CDK6: variants seen among roughly 807,000 people sequenced by gnomAD.
CDK6 encodes cyclin-dependent kinase 6.
In CDK6, 6 loss-of-function variants were observed where a neutral mutation model predicts 37.1. That is an observed-to-expected ratio of 0.16 (90% CI 0.09 to 0.32). CDK6 has a LOEUF of 0.32. Among genes scored for constraint, CDK6 ranks in the 10% least tolerant of loss-of-function variants. The pLI, the probability that CDK6 is intolerant of heterozygous loss-of-function variation, is 1.00. For synonymous variants in CDK6, 160 were observed against 161.3 expected, an observed-to-expected ratio of 0.99 and a Z score of 0.06; for missense variants, 224 against 418.9, an observed-to-expected ratio of 0.53 and a Z score of 4.06.
At chr7:92,715,040 G>A (rs914860763) in intron 4 of CDK6, among the ~76,000 whole-genome samples, 31 of 152,108 alleles carry the variant, frequency 2.0e-4, no homozygotes, top group East Asian at 1.9e-3. Context: ...ATCATCCAGC[G>A]TTACATAAGG....
intron 2 of CDK6, among the ~76,000 whole-genome samples, chr7:92,782,759 T>C (rs1288028692): frequency 6.6e-6 from 1 of 152,236 alleles, no homozygotes; most frequent in Non-Finnish European, 1.5e-5. Context: ...CTAAAGTCAG[T>C]GTTTTGCTTA....
chr7:92,806,084 T>C (rs10248184), intron 2 of CDK6, among the ~76,000 whole-genome samples: 10 of 152,216 alleles, frequency 6.6e-5, no homozygotes, highest in African/African-American at 2.4e-4. Flanking sequence ...TTGTATGTTA[T>C]GTTTATTGAC....
chr7:92,614,730 T>A lies in CDK6; in HGVS notation c.*410A>T. ...ACACACACACACACACACACACACA[T>A]GCACACACACACTCAAAAGTACCAA... is the stretch of plus-strand genomic sequence containing the variant. On this transcript the variant is annotated 3_prime_UTR_variant, in exon 8 of 8. Coordinates refer to ENST00000424848, the MANE Select transcript of CDK6 (RefSeq NM_001145306.2). 3.9e-6 allele frequency: 1 copy of A among 256,198 alleles called. No homozygotes were observed. The highest frequency in any genetic ancestry group is 7.2e-6 in the Non-Finnish European group (1 of 138,050). The allele number at this position is 256,198 out of a possible 1,614,324, so 15.9% of individuals were successfully genotyped here.
intron 2 of CDK6, among the ~76,000 whole-genome samples, chr7:92,781,015 C>T (rs897946205): frequency 3.9e-5 from 6 of 152,036 alleles, no homozygotes; most frequent in African/African-American, 1.4e-4. Context: ...AACAAAATAT[C>T]TCAGATGACT....
intron 2 of CDK6, among the ~76,000 whole-genome samples, chr7:92,831,231 AG>A (rs1212822003): frequency 1.3e-5 from 2 of 152,238 alleles, no homozygotes; most frequent in Non-Finnish European, 1.5e-5. Flanking sequence ...TCAAGAGAAT[AG>A]GATGGATCAG....
At chr7:92,707,706 A>T (rs1410182976) in intron 4 of CDK6, among the ~76,000 whole-genome samples, 1 of 152,264 alleles carries the variant, frequency 6.6e-6, no homozygotes, top group Non-Finnish European at 1.5e-5. Context: ...GCGCACACAC[A>T]CACTCACAGT....
Position 92,609,965 on chromosome 7 carries a change from T to A in CDK6, c.*5175A>T, listed in dbSNP as rs1325810923. 4.3e-6 allele frequency: 1 copy of A among 230,118 alleles called. No homozygotes were observed. The highest frequency in any genetic ancestry group is 8.6e-6 in the Non-Finnish European group (1 of 116,182). 14.3% of individuals were successfully genotyped at this position (230,118 alleles called of 1,614,324 possible). Reference sequence around the variant, plus strand: ...AAGTTACAGAACATTATAGAGACTATTAATCATCCCAAAAAACAAGTGCTA... The same window carrying A: ...AAGTTACAGAACATTATAGAGACTAATAATCATCCCAAAAAACAAGTGCTA... On this transcript the variant is annotated 3_prime_UTR_variant, in exon 8 of 8. Coordinates refer to ENST00000424848, the MANE Select transcript of CDK6 (RefSeq NM_001145306.2).
At chr7:92,723,990 G>A (rs910312177) in intron 4 of CDK6, among the ~76,000 whole-genome samples, 8 of 151,846 alleles carry the variant, frequency 5.3e-5, no homozygotes, top group African/African-American at 1.7e-4. Context: ...CATTTGGGGG[G>A]ATTAAAATAA....
intron 4 of CDK6, among the ~76,000 whole-genome samples, chr7:92,692,876 A>G (rs1038358676): frequency 1.3e-5 from 2 of 152,242 alleles, no homozygotes; most frequent in Non-Finnish European, 2.9e-5. Flanking sequence ...TAACAGAACT[A>G]CACAGGACTA....
At chr7:92,663,812 C>T (rs888482221) in intron 5 of CDK6, among the ~76,000 whole-genome samples, 1 of 152,064 alleles carries the variant, frequency 6.6e-6, no homozygotes, top group Admixed American at 6.6e-5. Flanking sequence ...TGGACCTTTT[C>T]CTGGGTACCA....
chr7:92,767,695 T>G (rs1379810320), intron 3 of CDK6, among the ~76,000 whole-genome samples: 1 of 152,160 alleles, frequency 6.6e-6, no homozygotes, highest in Non-Finnish European at 1.5e-5. Context: ...GCTTAATTTT[T>G]GCTTAGCAGT....
At chr7:92,708,368 C>T (rs1007796084) in intron 4 of CDK6, among the ~76,000 whole-genome samples, 9 of 152,144 alleles carry the variant, frequency 5.9e-5, no homozygotes, top group Admixed American at 2.6e-4. Context: ...ATCTATGTGA[C>T]GCCCGTTTCT....
chr7:92,669,512 C>T (rs1313502436), intron 5 of CDK6, among the ~76,000 whole-genome samples: 2 of 152,278 alleles, frequency 1.3e-5, no homozygotes, highest in East Asian at 3.9e-4. Context: ...CTATTCTAGA[C>T]ACATAAAGAT....
chr7:92,649,370 T>C (rs1796522299), intron 5 of CDK6, among the ~76,000 whole-genome samples: 1 of 152,114 alleles, frequency 6.6e-6, no homozygotes, highest in Admixed American at 6.6e-5. Context: ...AAAACACCAG[T>C]GAAGTGGGGA....
intron 4 of CDK6, among the ~76,000 whole-genome samples, chr7:92,678,228 A>C (rs1797250479): frequency 6.6e-6 from 1 of 152,238 alleles, no homozygotes; most frequent in Non-Finnish European, 1.5e-5. Context: ...CAATATATAA[A>C]GATCAACATT....
At chr7:92,728,710 A>G (rs1798571172) in intron 3 of CDK6, among the ~76,000 whole-genome samples, 1 of 152,230 alleles carries the variant, frequency 6.6e-6, no homozygotes, top group Non-Finnish European at 1.5e-5. Context: ...CTATAGATGT[A>G]AGTTGGTTCT....
chr7:92,764,528 T>C (rs1269625780), intron 3 of CDK6, among the ~76,000 whole-genome samples: 4 of 152,188 alleles, frequency 2.6e-5, no homozygotes, highest in African/African-American at 9.6e-5. Context: ...TAATTAAATA[T>C]ATGAATCCAT....
At chr7:92,798,041 T>C (rs1800460124) in intron 2 of CDK6, among the ~76,000 whole-genome samples, 1 of 152,222 alleles carries the variant, frequency 6.6e-6, no homozygotes, top group Non-Finnish European at 1.5e-5. Context: ...GGAAATTAAA[T>C]TGAAAATGAC....
chr7:92,795,539 A>C (rs1800387792), intron 2 of CDK6, among the ~76,000 whole-genome samples: 1 of 152,124 alleles, frequency 6.6e-6, no homozygotes, highest in Admixed American at 6.6e-5. Context: ...CCAAGGAATC[A>C]CAAAAAAGAA....
Sources: gnomAD v4.1 joint callset for allele counts (sites outside exome capture counted in the v4.1 genomes callset) on GRCh38, gnomAD v4.1.1 for gene constraint, MANE v1.5 for transcripts, NCBI Gene and HGNC (gene_info 2026-07-23, HGNC 2026-07-21) for gene names.